Variants in CSMD1 observed in about 807,000 individuals in gnomAD.
CSMD1 encodes CUB and Sushi multiple domains 1, also known as CUB and sushi domain-containing protein 1.
A neutral mutation model predicts 417.5 loss-of-function variants in CSMD1; 213 were observed. The ratio of observed to expected loss-of-function variants is 0.51; its 90% CI spans 0.46 to 0.57. The LOEUF is 0.57. Ranked by LOEUF, CSMD1 falls within the 20% of genes least tolerant of loss-of-function variation. The probability of loss-of-function intolerance (pLI) is 0.00; values close to 1 mark genes in which losing one functional copy is unlikely to be tolerated. For missense variants in CSMD1, 6,923 were observed against 4,529.7 expected, an observed-to-expected ratio of 1.53 and a Z score of -15.17; for synonymous variants, 2,862 against 1,736.8, an observed-to-expected ratio of 1.65 and a Z score of -16.11.
At chr8:3,481,755 G>A (rs975563079) in intron 11 of CSMD1, among the ~76,000 whole-genome samples, 15 of 152,292 alleles carry the variant, frequency 9.8e-5, no homozygotes, top group African/African-American at 2.6e-4. Context: ...CACAAGCCAA[G>A]GAACGCCAGC....
intron 5 of CSMD1, among the ~76,000 whole-genome samples, chr8:3,898,191 C>G (rs376146754): frequency 2.6e-4 from 39 of 152,204 alleles, no homozygotes; most frequent in African/African-American, 9.2e-4. Context: ...CATCCAGCAA[C>G]AAGCTTATGA....
chr8:4,974,291 G>A (rs1419377381), intron 1 of CSMD1, among the ~76,000 whole-genome samples: 2 of 151,936 alleles, frequency 1.3e-5, no homozygotes, highest in Non-Finnish European at 2.9e-5. Context: ...CTCCCAAAGT[G>A]CTGGGATTAC....
chr8:3,478,019 A>T (rs763633768), intron 11 of CSMD1, among the ~76,000 whole-genome samples: 3 of 152,218 alleles, frequency 2.0e-5, no homozygotes, highest in African/African-American at 2.4e-5. Context: ...AAGATAATTC[A>T]TACATATACT....
intron 1 of CSMD1, among the ~76,000 whole-genome samples, chr8:4,786,096 G>T (rs1486122416): frequency 2.7e-5 from 4 of 146,762 alleles, no homozygotes; most frequent in African/African-American, 9.7e-5. Context: ...GTGCAGATGT[G>T]TAAGACCAAA....
In CSMD1 at chr8:3,295,584, G is replaced by A. The variant is rs903797356; in HGVS notation, c.3951-11238C>T. 1.3e-4 allele frequency among the ~76,000 whole-genome samples: 20 copies of A among 152,314 alleles called. No individual in the cohort carries two copies. The South Asian group carries it at 2.1e-3, about 16-fold the overall frequency. ...TAATTTTGACACGTGGTACCGCACT[G>A]TATATTCCACTGTACTGATGCAAGG... is the stretch of plus-strand genomic sequence containing the variant. On this transcript the variant is annotated intron_variant, in intron 25 of 69. Transcript: ENST00000635120.
chr8:3,379,496 T>G (rs1165810396), intron 18 of CSMD1, among the ~76,000 whole-genome samples: 1 of 152,184 alleles, frequency 6.6e-6, no homozygotes, highest in Non-Finnish European at 1.5e-5. Flanking sequence ...GACTTCGAAC[T>G]ATACTACCAG....
intron 5 of CSMD1, among the ~76,000 whole-genome samples, chr8:3,799,201 C>T (rs1285157023): frequency 6.6e-6 from 1 of 151,942 alleles, no homozygotes; most frequent in Non-Finnish European, 1.5e-5. Context: ...AGGAATAGCA[C>T]ATAACTTACC....
chr8:3,249,880 G>A (rs1296776214), intron 26 of CSMD1, among the ~76,000 whole-genome samples: 4 of 152,026 alleles, frequency 2.6e-5, no homozygotes, highest in Non-Finnish European at 4.4e-5. Flanking sequence ...TTTAGAAATG[G>A]ATCGAAAATG....
chr8:3,549,038 C>T (rs997968757), intron 10 of CSMD1, among the ~76,000 whole-genome samples: 3 of 152,160 alleles, frequency 2.0e-5, no homozygotes, highest in African/African-American at 7.2e-5. Flanking sequence ...AGACCTGCTC[C>T]TCGAAGCCAT....
intron 50 of CSMD1, among the ~76,000 whole-genome samples, chr8:3,033,412 A>C (rs1810472249): frequency 6.6e-6 from 1 of 152,120 alleles, no homozygotes; most frequent in Non-Finnish European, 1.5e-5. Flanking sequence ...CTGTAGTATC[A>C]ATTGTATTGC....
At chr8:4,453,814 C>CTTT (rs60422486) in intron 2 of CSMD1, among the ~76,000 whole-genome samples, 3,351 of 67,668 alleles carry the variant, frequency 0.05, 457 homozygotes, top group African/African-American at 0.077. Flanking sequence ...CAATTCGTTT[C>CTTT]TTTTTTTTTT....
chr8:3,575,085 G>A lies in CSMD1; in HGVS notation c.1223-19C>T, dbSNP rs752155956. The A allele has an allele frequency of 1.8e-5, 29 of 1,609,474 alleles. No individual in the cohort carries two copies. The highest frequency in any genetic ancestry group is 2.1e-5 in the Non-Finnish European group (25 of 1,177,786). Reference sequence around the variant, plus strand: ...GTTCTCGCTGGAAACACATAGAAACGACGTTATTTTCTACAACATTGTGTC... The same window carrying A: ...GTTCTCGCTGGAAACACATAGAAACAACGTTATTTTCTACAACATTGTGTC... On this transcript the variant is annotated intron_variant, in intron 9 of 69. Transcript: ENST00000635120.
intron 3 of CSMD1, among the ~76,000 whole-genome samples, chr8:4,405,445 A>AT (rs769200319): frequency 2.0e-5 from 3 of 152,112 alleles, no homozygotes; most frequent in Non-Finnish European, 4.4e-5. Context: ...TAAAATGAAG[A>AT]TTTTAACGCC....
chr8:4,698,728 C>T (rs910552628), intron 1 of CSMD1, among the ~76,000 whole-genome samples: 2 of 146,576 alleles, frequency 1.4e-5, no homozygotes, highest in Non-Finnish European at 1.5e-5. Context: ...CTTCTCCCTT[C>T]CTTCTTACCT....
intron 69 of CSMD1, among the ~76,000 whole-genome samples, chr8:2,940,543 C>G (rs1015844061): frequency 6.6e-6 from 1 of 152,176 alleles, no homozygotes; most frequent in African/African-American, 2.4e-5. Context: ...TCTGAGATCT[C>G]TTTCCAAGGC....
intron 26 of CSMD1, among the ~76,000 whole-genome samples, chr8:3,256,862 TAGG>T (rs375984846): frequency 3.3e-4 from 51 of 152,332 alleles, no homozygotes; most frequent in African/African-American, 1.1e-3. Context: ...GTAGTTATGT[TAGG>T]AGGAGATTTT....
At chr8:4,274,182 A>C (rs1343466855) in intron 3 of CSMD1, among the ~76,000 whole-genome samples, 1 of 152,188 alleles carries the variant, frequency 6.6e-6, no homozygotes, top group Non-Finnish European at 1.5e-5. Context: ...TAAATTAGAC[A>C]TCAAAGCAGA....
intron 54 of CSMD1, among the ~76,000 whole-genome samples, chr8:2,989,896 A>G (rs1806229042): frequency 6.6e-6 from 1 of 152,198 alleles, no homozygotes; most frequent in Non-Finnish European, 1.5e-5. Flanking sequence ...TCGTCTGCAT[A>G]GTTATCTACT....
intron 2 of CSMD1, among the ~76,000 whole-genome samples, chr8:4,557,136 G>A (rs774596689): frequency 5.9e-5 from 9 of 152,132 alleles, no homozygotes; most frequent in Non-Finnish European, 1.2e-4. Context: ...ATTTGTAAAG[G>A]TTAATTTTGC....
Sources: allele counts gnomAD v4.1 joint callset (sites outside exome capture counted in the v4.1 genomes callset), GRCh38; gene constraint gnomAD v4.1.1; transcripts MANE v1.5; gene names NCBI Gene and HGNC (gene_info 2026-07-23, HGNC 2026-07-21).